Variants in AP4S1 observed in about 807,000 individuals in gnomAD.
The protein encoded by AP4S1 is AP-4 complex subunit sigma-1.
Under a neutral mutation model 19.8 loss-of-function variants are expected in AP4S1, and 23 were observed. That is an observed-to-expected ratio of 1.16 (90% CI 0.84 to 1.65). The LOEUF (loss-of-function observed/expected upper bound fraction) is 1.65. Among genes scored for constraint, AP4S1 ranks in the 40% most tolerant of loss-of-function variants. The pLI, the probability that AP4S1 is intolerant of heterozygous loss-of-function variation, is 0.00. For synonymous variants in AP4S1, 46 were observed against 54.1 expected (o/e 0.85, Z 0.66); for missense variants, 166 against 172.8 (o/e 0.96, Z 0.22).
At chr14:31,073,050 A>G (rs1425017106) in intron 4 of AP4S1, 77 bp downstream of exon 4, 3 of 1,211,864 alleles carry the variant, frequency 2.5e-6, no homozygotes, top group Non-Finnish European at 2.4e-6. Flanking sequence ...GATCTATATC[A>G]AGAACATGTG....
At chr14:31,071,772 C>T (rs1475244289) in intron 3 of AP4S1, among the ~76,000 whole-genome samples, 2 of 152,056 alleles carry the variant, frequency 1.3e-5, no homozygotes, top group Non-Finnish European at 2.9e-5. Flanking sequence ...TGCAGTGGCA[C>T]CTTCACGTCT....
At chr14:31,039,274 C>G (rs2139441692) in intron 1 of AP4S1, among the ~76,000 whole-genome samples, 1 of 152,064 alleles carries the variant, frequency 6.6e-6, no homozygotes, top group East Asian at 1.9e-4. Flanking sequence ...CAACCTCCAC[C>G]TCCCAGGTTC....
chr14:31,042,120 C>T (rs1254274567), intron 1 of AP4S1, among the ~76,000 whole-genome samples: 1 of 152,136 alleles, frequency 6.6e-6, no homozygotes. Flanking sequence ...CATGAGCCAC[C>T]GCACCCGGCC....
At position 31,062,444 on chromosome 14, in the gene AP4S1, G is replaced by A. The variant is rs918176388; in HGVS notation, c.-71-3682G>A. 2.0e-5 allele frequency among the ~76,000 whole-genome samples: 3 copies of A among 152,104 alleles called. No homozygotes were observed. In the East Asian group the frequency reaches 5.8e-4, roughly 29 times the overall value. On this transcript the variant is annotated intron_variant, in intron 1 of 5. Transcript: ENST00000542754. ...GACCTTAGGAATCACCCTCCTCAGG[G>A]TTCTCAACCTACAGCCCAGGATAGG... is the stretch of plus-strand genomic sequence containing the variant.
chr14:31,039,576 T>G (rs1343568506), intron 1 of AP4S1, among the ~76,000 whole-genome samples: 4 of 143,764 alleles, frequency 2.8e-5, no homozygotes, highest in African/African-American at 1.0e-4. Flanking sequence ...AGTTTTGTTT[T>G]TTTTTTTTTT....
chr14:31,038,893 T>C (rs888260203), intron 1 of AP4S1, among the ~76,000 whole-genome samples: 2 of 152,196 alleles, frequency 1.3e-5, no homozygotes, highest in African/African-American at 4.8e-5. Context: ...GAGTGAGTAA[T>C]ACTGCCTTTC....
At chr14:31,089,433 G>A (rs1291888191) in intron 5 of AP4S1, among the ~76,000 whole-genome samples, 1 of 152,112 alleles carries the variant, frequency 6.6e-6, no homozygotes, top group Non-Finnish European at 1.5e-5. Context: ...GAGAAACCAA[G>A]GGATCTGAGA....
intron 1 of AP4S1, among the ~76,000 whole-genome samples, chr14:31,058,527 ATGTGTGTGTGTG>A (rs140119208): frequency 4.5e-4 from 61 of 136,668 alleles, no homozygotes; most frequent in South Asian, 4.4e-3. Flanking sequence ...CTGTGTGTGT[ATGTGTGTGTGTG>A]TGTGTGTGTG....
chr14:31,031,479 G>A (rs1032404578), intron 1 of AP4S1, among the ~76,000 whole-genome samples: 4 of 152,092 alleles, frequency 2.6e-5, no homozygotes, highest in Admixed American at 6.6e-5. Context: ...TTTTCGTCAC[G>A]TCAATCATTT....
intron 1 of AP4S1, among the ~76,000 whole-genome samples, chr14:31,029,663 C>A (rs1884269107): frequency 6.6e-6 from 1 of 152,094 alleles, no homozygotes; most frequent in South Asian, 2.1e-4. Flanking sequence ...ACCAAAAATA[C>A]AAAAATTAGC....
intron 5 of AP4S1, among the ~76,000 whole-genome samples, chr14:31,080,826 G>A (rs956728868): frequency 2.6e-5 from 4 of 152,072 alleles, no homozygotes; most frequent in Non-Finnish European, 5.9e-5. Flanking sequence ...TTCTTGCCCA[G>A]GCTGGAGTGC....
chr14:31,036,686 C>T (rs1168596759), intron 1 of AP4S1, among the ~76,000 whole-genome samples: 1 of 152,188 alleles, frequency 6.6e-6, no homozygotes, highest in African/African-American at 2.4e-5. Context: ...CAACAGGGAC[C>T]CTACCAGGCC....
At chr14:31,083,897 G>T (rs1887792066) in intron 5 of AP4S1, among the ~76,000 whole-genome samples, 1 of 152,114 alleles carries the variant, frequency 6.6e-6, no homozygotes, top group East Asian at 1.9e-4. Context: ...GAGGACCTCT[G>T]CAGACTAGTT....
chr14:31,030,650 G>GT lies in AP4S1; in HGVS notation c.-72+4871dup, dbSNP rs1055342013. On this transcript the variant is annotated intron_variant, in intron 1 of 5. Coordinates refer to ENST00000542754, the MANE Select transcript of AP4S1 (RefSeq NM_001128126.3). The stretch of plus-strand genomic sequence containing the variant: ...AGGCATAAGCCACTGAGCCCAGCCC[G>GT]TTTTTTTTATTTTTTAAGAAGTACT... 5.7e-4 allele frequency among the ~76,000 whole-genome samples: 87 copies of GT among 151,908 alleles called. 1 individual carries two copies. The highest frequency in any genetic ancestry group is 6.9e-4 in the Non-Finnish European group (47 of 67,946).
chr14:31,073,666 C>T (rs986330034), intron 4 of AP4S1, among the ~76,000 whole-genome samples: 2 of 150,892 alleles, frequency 1.3e-5, no homozygotes, highest in Admixed American at 6.6e-5. Context: ...TGCAGTGACG[C>T]GATCTCAGCT....
chr14:31,062,956 G>A (rs1247964701), intron 1 of AP4S1, among the ~76,000 whole-genome samples: 3 of 149,312 alleles, frequency 2.0e-5, no homozygotes, highest in Non-Finnish European at 3.0e-5. Context: ...GACAGAGCAC[G>A]AGACTCCGTT....
chr14:31,073,462 C>T (rs576587780), intron 4 of AP4S1, among the ~76,000 whole-genome samples: 4 of 147,054 alleles, frequency 2.7e-5, no homozygotes, highest in Admixed American at 1.4e-4. Context: ...TGCACTCCAG[C>T]CTGGGCAACA....
rs949195477 is a variant in AP4S1 at position 31,060,058 on chromosome 14, T to C, written c.-71-6068T>C. ...ATATATGTATATATATTTATATATT[T>C]ATGTATATATATTTTTATATATATA... On this transcript the variant is annotated intron_variant, in intron 1 of 5. Transcript: ENST00000542754. Among the ~76,000 whole-genome samples the C allele has an allele frequency of 5.4e-5, 8 of 147,930 alleles. No homozygotes were observed. The East Asian group carries it at 1.6e-3, about 29-fold the overall frequency.
intron 1 of AP4S1, among the ~76,000 whole-genome samples, chr14:31,053,324 G>A (rs1885913121): frequency 6.6e-6 from 1 of 152,140 alleles, no homozygotes; most frequent in Non-Finnish European, 1.5e-5. Context: ...ATTACTCCCA[G>A]TTGACAGTGC....
Sources: gnomAD v4.1 joint callset for allele counts (sites outside exome capture counted in the v4.1 genomes callset) on GRCh38, gnomAD v4.1.1 for gene constraint, MANE v1.5 for transcripts, NCBI Gene and HGNC (gene_info 2026-07-23, HGNC 2026-07-21) for gene names.